The following FN1 variants were observed in gnomAD, a reference collection of about 807,000 sequenced individuals.
FN1 encodes fibronectin.
Under a neutral mutation model 297.3 loss-of-function variants are expected in FN1, and 106 were observed. The ratio of observed to expected loss-of-function variants is 0.36; its 90% CI spans 0.30 to 0.42. FN1 has a LOEUF of 0.42. Ranked by LOEUF, FN1 falls within the 10% of genes least tolerant of loss-of-function variation. The pLI, the probability that FN1 is intolerant of heterozygous loss-of-function variation, is 1.00. For synonymous variants in FN1, 1,149 were observed against 1,152.6 expected, an observed-to-expected ratio of 1.00 and a Z score of 0.06; for missense variants, 2,690 against 3,124.9, an observed-to-expected ratio of 0.86 and a Z score of 3.32.
At chr2:215,429,461 C>A (rs1385207252) in intron 5 of FN1, among the ~76,000 whole-genome samples, 2 of 152,098 alleles carry the variant, frequency 1.3e-5, no homozygotes, top group Non-Finnish European at 2.9e-5. Context: ...ATTGTTGCAA[C>A]TCCTGGGTTA....
At chr2:215,371,805 A>T in intron 40 of FN1, 104 bp downstream of exon 40, 1 of 979,530 alleles carries the variant, frequency 1.0e-6, no homozygotes, top group Non-Finnish European at 1.6e-6. Context: ...GAGCCATCAC[A>T]CCCGGCCATG....
intron 12 of FN1, among the ~76,000 whole-genome samples, chr2:215,418,985 C>T (rs1216601545): frequency 1.3e-5 from 2 of 152,150 alleles, no homozygotes; most frequent in East Asian, 3.8e-4. Context: ...GTGTCTTAAC[C>T]TAACAGAATA....
chr2:215,416,227 A>G (rs2063413450), intron 12 of FN1, among the ~76,000 whole-genome samples: 1 of 152,200 alleles, frequency 6.6e-6, no homozygotes, highest in Admixed American at 6.5e-5. Context: ...AAGTTGGTTG[A>G]AGATTAGCAA....
rs1485514723 is a variant in FN1 at position 215,360,996 on chromosome 2, A to G, written c.*559T>C. ...TATCAACTGCATACTAAGTGTTTTC[A>G]ATACAATTTTTTCCGTATAAAAATA... On this transcript the variant is annotated 3_prime_UTR_variant, in exon 46 of 46. Transcript: ENST00000354785. 3 of 157,178 alleles carry G rather than the reference A, an allele frequency of 1.9e-5. No individual in the cohort carries two copies. The East Asian group carries it at 5.6e-4, about 29-fold the overall frequency. 9.7% of individuals were successfully genotyped at this position (157,178 alleles called of 1,614,324 possible).
intron 10 of FN1, chr2:215,421,300 T>G (rs2064306192): frequency 4.5e-6 from 1 of 222,232 alleles, no homozygotes; most frequent in African/African-American, 2.4e-5. Context: ...AACGCTAAAA[T>G]AAATTAGGCC....
chr2:215,388,382 G>T, intron 26 of FN1, 81 bp from the exon 27 acceptor site: 1 of 981,720 alleles, frequency 1.0e-6, no homozygotes, highest in Non-Finnish European at 1.6e-6. Context: ...TATTTGAACT[G>T]ATGAAATATC....
intron 23 of FN1, among the ~76,000 whole-genome samples, chr2:215,396,612 A>C (rs758725303): frequency 1.3e-5 from 2 of 152,160 alleles, no homozygotes; most frequent in Non-Finnish European, 2.9e-5. Context: ...CAGTTTTGTA[A>C]CATTTAAAAT....
chr2:215,384,398 G>T, intron 29 of FN1: 1 of 572,692 alleles, frequency 1.7e-6, no homozygotes, highest in Non-Finnish European at 3.1e-6. Flanking sequence ...AGTTAGCGCT[G>T]TTTTAACATT....
intron 36 of FN1, among the ~76,000 whole-genome samples, chr2:215,375,947 A>T (rs918492632): frequency 2.6e-5 from 4 of 152,224 alleles, no homozygotes; most frequent in Non-Finnish European, 5.9e-5. Flanking sequence ...GGTAAAGTAA[A>T]TTCTGGAATG....
chr2:215,395,020 A>G (rs2060149532), intron 23 of FN1, among the ~76,000 whole-genome samples: 1 of 152,142 alleles, frequency 6.6e-6, no homozygotes, highest in African/African-American at 2.4e-5. Context: ...GGAAATCTTG[A>G]ACCAGGGGAG....
chr2:215,383,177 T>G, intron 31 of FN1, 151 bp downstream of exon 31: 1 of 733,864 alleles, frequency 1.4e-6, no homozygotes. Flanking sequence ...GCTAATTTTT[T>G]TGTATTTTTT....
chr2:215,431,733 A>T, intron 4 of FN1, 100 bp downstream of exon 4: 1 of 1,199,188 alleles, frequency 8.3e-7, no homozygotes, highest in Non-Finnish European at 1.2e-6. Context: ...ATTGGTTTTC[A>T]CTGGAATTCA....
intron 42 of FN1, 107 bp downstream of exon 42, chr2:215,367,756 T>C: frequency 1.8e-6 from 2 of 1,101,906 alleles, no homozygotes; most frequent in Non-Finnish European, 2.8e-6. Context: ...GTTTGCTTCA[T>C]GTTTGGAAGA....
At chr2:215,375,790 A>G in intron 36 of FN1, 72 bp from the exon 37 acceptor site, 1 of 990,040 alleles carries the variant, frequency 1.0e-6, no homozygotes, top group Non-Finnish European at 1.6e-6. Flanking sequence ...CTAGCCTGCA[A>G]TTTTTCTGGG....
At chr2:215,432,667 A>G (rs1042964496) in intron 3 of FN1, among the ~76,000 whole-genome samples, 6 of 152,224 alleles carry the variant, frequency 3.9e-5, no homozygotes, top group South Asian at 4.1e-4. Context: ...CTTAAATACT[A>G]TCTTAATAGA....
At chr2:215,418,856 T>G (rs1055492682) in intron 12 of FN1, among the ~76,000 whole-genome samples, 3 of 152,224 alleles carry the variant, frequency 2.0e-5, no homozygotes, top group Non-Finnish European at 4.4e-5. Flanking sequence ...TTTCATGCCA[T>G]CTCTCTATGC....
intron 12 of FN1, among the ~76,000 whole-genome samples, chr2:215,415,692 G>A (rs1025986206): frequency 6.6e-6 from 1 of 151,990 alleles, no homozygotes; most frequent in Admixed American, 6.6e-5. Flanking sequence ...ACTAAATTCA[G>A]TATTTCTACA....
intron 26 of FN1, among the ~76,000 whole-genome samples, chr2:215,389,790 AAAAACAAAACAAAAC>A (rs147568318): frequency 6.6e-6 from 1 of 151,278 alleles, no homozygotes; most frequent in South Asian, 2.1e-4. Flanking sequence ...ACTCCGTCTC[AAAAACAAAACAAAAC>A]AAAACAAAAC....
intron 39 of FN1, chr2:215,372,594 A>C (rs982295590): frequency 1.7e-6 from 1 of 591,914 alleles, no homozygotes; most frequent in East Asian, 2.9e-5. Flanking sequence ...AAAAAGTGTT[A>C]GTATGAATTT....
Sources: allele counts gnomAD v4.1 joint callset (sites outside exome capture counted in the v4.1 genomes callset), GRCh38; gene constraint gnomAD v4.1.1; transcripts MANE v1.5; gene names NCBI Gene and HGNC (gene_info 2026-07-23, HGNC 2026-07-21).